CBX6: variants seen among roughly 807,000 people sequenced by gnomAD.
The protein encoded by CBX6 is chromobox 6.
Under a neutral mutation model 28.4 loss-of-function variants are expected in CBX6, and 7 were observed. The ratio of observed to expected loss-of-function variants is 0.25; its 90% CI spans 0.14 to 0.46. The LOEUF (loss-of-function observed/expected upper bound fraction) is 0.46. Among genes scored for constraint, CBX6 ranks in the 20% least tolerant of loss-of-function variants. The probability of loss-of-function intolerance (pLI) is 0.99; values close to 1 mark genes in which losing one functional copy is unlikely to be tolerated. For synonymous variants in CBX6, 297 were observed against 273.4 expected, an observed-to-expected ratio of 1.09 and a Z score of -0.85; for missense variants, 512 against 606.1, an observed-to-expected ratio of 0.84 and a Z score of 1.63.
chr22:38,867,052 A>T lies in CBX6; in HGVS notation c.396T>A (p.Arg132=). The T allele has an allele frequency of 6.2e-7, 1 of 1,604,770 alleles. No individual in the cohort carries two copies. Residue 132 remains arginine (R), a synonymous_variant, in exon 5 of 5, where the codon CGT becomes CGA. Coordinates refer to ENST00000407418, the MANE Select transcript of CBX6 (RefSeq NM_014292.5). ...DIRRCHRMSR[R]PLPRPDPQGG... ...CCTGCGGGTCCGGGCGGGGCAGGGG[A>T]CGGCGGGACATACGGTGGCAGCGGC...
intron 4 of CBX6, chr22:38,869,565 A>ATT (rs1409500811): frequency 6.6e-6 from 1 of 152,060 alleles, no homozygotes; most frequent in Admixed American, 6.5e-5. Flanking sequence ...ATATATTATT[A>ATT]TTTTTTAAAG....
intron 4 of CBX6, among the ~76,000 whole-genome samples, chr22:38,867,564 C>T (rs2093173666): frequency 2.0e-5 from 3 of 152,218 alleles, no homozygotes; most frequent in South Asian, 2.1e-4. Flanking sequence ...GGAGGGCAGC[C>T]GTTTGCTCAG....
At position 38,871,973 on chromosome 22, in the gene CBX6, G is replaced by A; in HGVS notation, c.70-28C>T. Reference sequence around the variant, plus strand: ...GAAAAACAGAGGGGAGAAAAACGGGGGTGGGGGTGGGGAGGATGCGGGGAC... The same window carrying A: ...GAAAAACAGAGGGGAGAAAAACGGGAGTGGGGGTGGGGAGGATGCGGGGAC... On this transcript the variant is annotated intron_variant, in intron 1 of 4. Coordinates refer to ENST00000407418, the MANE Select transcript of CBX6 (RefSeq NM_014292.5). This position sits in a 1 kb window ranked among gnomAD's most constrained non-coding sequence, Gnocchi z 5.6. 2 of 1,505,870 alleles carry A rather than the reference G, an allele frequency of 1.3e-6. No homozygotes were observed. The highest frequency in any genetic ancestry group is 1.8e-6 in the Non-Finnish European group (2 of 1,122,952). The allele number at this position is 1,505,870 out of a possible 1,614,324, so 93.3% of individuals were successfully genotyped here.
In CBX6 at chr22:38,863,538, G is replaced by GC. The variant is rs11405382; in HGVS notation, c.*2670dup. 152,208 of 152,208 alleles carry GC rather than the reference G, an allele frequency of 1. 76,104 individuals are homozygous for GC. The highest frequency in any genetic ancestry group is 1 in the Non-Finnish European group (68,058 of 68,058). 9.4% of individuals were successfully genotyped at this position (152,208 alleles called of 1,614,324 possible). A position where few individuals can be genotyped will look rare whatever the true frequency, so the allele number is the denominator to read the frequency against. The stretch of plus-strand genomic sequence containing the variant: ...GGGTACTAGAGAGGGGAGGAAGGAG[G>GC]CTCCACTCACCCTCGGTCCCATCCA... On this transcript the variant is annotated 3_prime_UTR_variant, in exon 5 of 5. Transcript: ENST00000407418.
chr22:38,866,207 C>T lies in CBX6; in HGVS notation c.*2G>A. On this transcript the variant is annotated 3_prime_UTR_variant, in exon 5 of 5. Transcript: ENST00000407418. The surrounding 1 kb of genome is among the most constrained non-coding windows in gnomAD (Gnocchi z 7.5). ...CAAGCCCCCCTCCTTGGTGGAGCCC[C>T]CTCACTTGCTCGCCCCAATGCTGCC... The T allele has an allele frequency of 1.9e-6, 3 of 1,597,790 alleles. No individual in the cohort carries two copies. The highest frequency in any genetic ancestry group is 2.6e-6 in the Non-Finnish European group (3 of 1,171,094).
rs940889239 is a variant in CBX6, at chr22:38,863,205, A to G, written c.*3004T>C. On this transcript the variant is annotated 3_prime_UTR_variant, in exon 5 of 5. Coordinates refer to ENST00000407418, the MANE Select transcript of CBX6 (RefSeq NM_014292.5). Reference sequence around the variant, plus strand: ...CACAGAAGGGCAAACTAAAGGTCAGAGTGGGCACCCAGACAGGGATGGGTC... The same window carrying G: ...CACAGAAGGGCAAACTAAAGGTCAGGGTGGGCACCCAGACAGGGATGGGTC... The G allele has an allele frequency of 3.9e-5, 6 of 152,182 alleles. No homozygotes were observed. Among genetic ancestry groups the G allele is most frequent in the Admixed American group, 6.5e-5 (1 of 15,284 alleles). 9.4% of individuals were successfully genotyped at this position (152,182 alleles called of 1,614,324 possible).
At chr22:38,867,938 C>G (rs548478899) in intron 4 of CBX6, among the ~76,000 whole-genome samples, 22 of 152,328 alleles carry the variant, frequency 1.4e-4, no homozygotes, top group Admixed American at 3.9e-4. Context: ...GAAGTGGGCC[C>G]GACCACTGCC....
Position 38,866,791 on chromosome 22 carries a change from G to C in CBX6, c.657C>G (p.Val219=). ...IGKSKKFSES[V]LRTQIRHMKF... ...TCATGTGGCGGATCTGTGTACGCAG[G>C]ACGCTCTCGCTGAACTTCTTGCTCT... Residue 219 remains valine (V), a synonymous_variant, in exon 5 of 5, where the codon GTC becomes GTG. Transcript: ENST00000407418. This position sits in a 1 kb window ranked among gnomAD's most constrained non-coding sequence, Gnocchi z 7.5. 1.2e-6 allele frequency: 2 copies of C among 1,612,640 alleles called. No individual in the cohort carries two copies. The highest frequency in any genetic ancestry group is 1.7e-6 in the Non-Finnish European group (2 of 1,179,450).
chr22:38,867,216 A>AG lies in CBX6; in HGVS notation c.247-16dup. 1 of 341,678 alleles carries AG rather than the reference A, an allele frequency of 2.9e-6. No homozygotes were observed. The allele number at this position is 341,678 out of a possible 1,614,324, so 21.2% of individuals were successfully genotyped here. The stretch of plus-strand genomic sequence containing the variant: ...TGGGCCCGCGCCTGCGGGCAGAGGG[A>AG]GGGGTGGGTGGGACCTCAGGACTGC... On this transcript the variant is annotated splice_polypyrimidine_tract_variant and intron_variant, in intron 4 of 4. Coordinates refer to ENST00000407418, the MANE Select transcript of CBX6 (RefSeq NM_014292.5).
Position 38,866,417 on chromosome 22 carries a change from G to A in CBX6, c.1031C>T (p.Pro344Leu), listed in dbSNP as rs1283779517. 25 of 1,611,458 alleles carry A rather than the reference G, an allele frequency of 1.6e-5. No individual in the cohort carries two copies. Among genetic ancestry groups the A allele is most frequent in the Non-Finnish European group, 2.0e-5 (24 of 1,179,472 alleles). Residue 344 changes from proline (P) to leucine (L), a missense_variant, in exon 5 of 5, where the codon CCT becomes CTT. By Grantham distance (98) the Pro-to-Leu change is moderately conservative (BLOSUM62 -3). Around this residue, in one of 7 missense-constraint regions of CBX6, gnomAD observed 290 missense variants for 274.1 expected, o/e 1.06. Coordinates refer to ENST00000407418, the MANE Select transcript of CBX6 (RefSeq NM_014292.5). The surrounding 1 kb of genome is among the most constrained non-coding windows in gnomAD (Gnocchi z 7.5). ...AAAGPAPPTA[P>L]EPAGASSEPE... Reference sequence around the variant, plus strand: ...CTCGGAGGAGGCACCGGCGGGCTCAGGGGCCGTGGGAGGTGCCGGGCCGGC... The same window carrying A: ...CTCGGAGGAGGCACCGGCGGGCTCAAGGGCCGTGGGAGGTGCCGGGCCGGC...
At position 38,862,163 on chromosome 22, in the gene CBX6, T is replaced by A. The variant is rs2093158606; in HGVS notation, c.*4046A>T. 1.3e-5 allele frequency: 2 copies of A among 151,724 alleles called. No individual in the cohort carries two copies. The highest frequency in any genetic ancestry group is 4.8e-5 in the African/African-American group (2 of 41,354). The allele number at this position is 151,724 out of a possible 1,614,324, so 9.4% of individuals were successfully genotyped here. A position where few individuals can be genotyped will look rare whatever the true frequency, so the allele number is the denominator to read the frequency against. ...ATACAGTAGGCACTCACTGCTGGAG[T>A]GAGGCACTGACTCCTCCAAAGATTG... On this transcript the variant is annotated 3_prime_UTR_variant, in exon 5 of 5. Transcript: ENST00000407418.
chr22:38,872,011 C>T lies in CBX6; in HGVS notation c.70-66G>A, dbSNP rs2146217039. ...AGGATGCGGGGACGCGAGGAGGCGG[C>T]GGCGCGGGGCTGGGCGAGGGAGCCG... On this transcript the variant is annotated intron_variant, in intron 1 of 4. Coordinates refer to ENST00000407418, the MANE Select transcript of CBX6 (RefSeq NM_014292.5). The surrounding 1 kb of genome is among the most constrained non-coding windows in gnomAD (Gnocchi z 5.0). 1.4e-6 allele frequency: 2 copies of T among 1,398,508 alleles called. No individual in the cohort carries two copies. The highest frequency in any genetic ancestry group is 3.0e-5 in the East Asian group (1 of 33,892). The allele number at this position is 1,398,508 out of a possible 1,614,324, so 86.6% of individuals were successfully genotyped here.
rs1047348892 is a variant in CBX6 at position 38,861,853 on chromosome 22, A to C, written c.*4356T>G. On this transcript the variant is annotated 3_prime_UTR_variant, in exon 5 of 5. Coordinates refer to ENST00000407418, the MANE Select transcript of CBX6 (RefSeq NM_014292.5). ...ATTTTAAAAATGAGAGAAAAAAGAG[A>C]CAGTGCCCCTCCCCAAATATAGAGC... The C allele has an allele frequency of 2.6e-5, 4 of 152,262 alleles. No individual in the cohort carries two copies. Among genetic ancestry groups the C allele is most frequent in the African/African-American group, 9.6e-5 (4 of 41,466 alleles). The allele number at this position is 152,262 out of a possible 1,614,324, so 9.4% of individuals were successfully genotyped here. A position where few individuals can be genotyped will look rare whatever the true frequency, so the allele number is the denominator to read the frequency against.
At chr22:38,869,930 G>A (rs1603250735) in intron 4 of CBX6, 1 of 152,196 alleles carries the variant, frequency 6.6e-6, no homozygotes, top group Non-Finnish European at 1.5e-5. Flanking sequence ...TGCCTCTCAG[G>A]GAGCCCCAGA....
chr22:38,865,994 A>G lies in CBX6; in HGVS notation c.*215T>C. 1.7e-6 allele frequency: 1 copy of G among 586,678 alleles called. No individual in the cohort carries two copies. The allele number at this position is 586,678 out of a possible 1,614,324, so 36.3% of individuals were successfully genotyped here. A position where few individuals can be genotyped will look rare whatever the true frequency, so the allele number is the denominator to read the frequency against. On this transcript the variant is annotated 3_prime_UTR_variant, in exon 5 of 5. Transcript: ENST00000407418. ...ACCCAGTGGGCTACCATGCATGGGC[A>G]GGGGGTGTGCCCTTCCCCTGCCCCA...
Position 38,867,212 on chromosome 22 carries a change from A to AAGG in CBX6, c.247-12_247-11insCCT. ...GGCCTGGGCCCGCGCCTGCGGGCAG[A>AAGG]GGGAGGGGTGGGTGGGACCTCAGGA... is the stretch of plus-strand genomic sequence containing the variant. On this transcript the variant is annotated splice_polypyrimidine_tract_variant and intron_variant, in intron 4 of 4. Transcript: ENST00000407418. 1 of 400,532 alleles carries AAGG rather than the reference A, an allele frequency of 2.5e-6. No individual in the cohort carries two copies. The highest frequency in any genetic ancestry group is 4.9e-6 in the Non-Finnish European group (1 of 205,140). 24.8% of individuals were successfully genotyped at this position (400,532 alleles called of 1,614,324 possible). A position where few individuals can be genotyped will look rare whatever the true frequency, so the allele number is the denominator to read the frequency against.
Position 38,871,418 on chromosome 22 carries a change from C to T in CBX6, c.246+62G>A, listed in dbSNP as rs2093182035. On this transcript the variant is annotated intron_variant, in intron 4 of 4. Coordinates refer to ENST00000407418, the MANE Select transcript of CBX6 (RefSeq NM_014292.5). This position sits in a 1 kb window ranked among gnomAD's most constrained non-coding sequence, Gnocchi z 5.6. ...GCGTATCTGTCCCTCCCTTCCAGGCCCCGTGCTGTGCCGGGGCTGGGGGCC... is the reference window on the plus strand; with the variant it reads ...GCGTATCTGTCCCTCCCTTCCAGGCTCCGTGCTGTGCCGGGGCTGGGGGCC... The T allele has an allele frequency of 6.6e-7, 1 of 1,508,978 alleles. No individual in the cohort carries two copies. Among genetic ancestry groups the T allele is most frequent in the African/African-American group, 1.4e-5 (1 of 71,714 alleles). 93.5% of individuals were successfully genotyped at this position (1,508,978 alleles called of 1,614,324 possible).
chr22:38,871,843 C>T lies in CBX6; in HGVS notation c.113+59G>A. On this transcript the variant is annotated intron_variant, in intron 2 of 4. Coordinates refer to ENST00000407418, the MANE Select transcript of CBX6 (RefSeq NM_014292.5). This position sits in a 1 kb window ranked among gnomAD's most constrained non-coding sequence, Gnocchi z 5.6. ...AGAGCAAGAGCGCGCACCCCCACCC[C>T]AGGCCCCGGTGCCCGCTGCCTCCCC... is the stretch of plus-strand genomic sequence containing the variant. The T allele has an allele frequency of 6.4e-7, 1 of 1,561,208 alleles. No homozygotes were observed. The highest frequency in any genetic ancestry group is 8.7e-7 in the Non-Finnish European group (1 of 1,149,972).
chr22:38,871,764 A>T lies in CBX6; in HGVS notation c.114-7T>A, dbSNP rs749433053. ...GGGCTCCCAAGTGCTGTACCTGCCG[A>T]GTCACAAACGCACAAAATCAGGATG... On this transcript the variant is annotated splice_region_variant and splice_polypyrimidine_tract_variant and intron_variant, in intron 2 of 4. Coordinates refer to ENST00000407418, the MANE Select transcript of CBX6 (RefSeq NM_014292.5). The surrounding 1 kb of genome is among the most constrained non-coding windows in gnomAD (Gnocchi z 5.6). 1.2e-6 allele frequency: 2 copies of T among 1,607,968 alleles called. No individual in the cohort carries two copies. The highest frequency in any genetic ancestry group is 1.7e-6 in the Non-Finnish European group (2 of 1,176,122).
Sources: allele counts gnomAD v4.1 joint callset (sites outside exome capture counted in the v4.1 genomes callset), GRCh38; gene constraint gnomAD v4.1.1; regional missense constraint gnomAD v4.1.1; non-coding constraint Gnocchi (gnomAD v3.1); transcripts MANE v1.5; gene names NCBI Gene and HGNC (gene_info 2026-07-23, HGNC 2026-07-21).